XKR4: variants seen among roughly 807,000 people sequenced by gnomAD.
XKR4 encodes the protein XK-related protein 4.
In XKR4, 12 loss-of-function variants were observed where a neutral mutation model predicts 53.9. The ratio of observed to expected loss-of-function variants is 0.22; its 90% CI spans 0.14 to 0.36. XKR4 has a LOEUF of 0.36. Among genes scored for constraint, XKR4 ranks in the 10% least tolerant of loss-of-function variants. The pLI, the probability that XKR4 is intolerant of heterozygous loss-of-function variation, is 1.00. For synonymous variants in XKR4, 354 were observed against 362.4 expected (o/e 0.98, Z 0.26); for missense variants, 799 against 859.5 (o/e 0.93, Z 0.88).
intron 1 of XKR4, among the ~76,000 whole-genome samples, chr8:55,306,264 G>C (rs534259692): frequency 1.1e-4 from 16 of 152,244 alleles, no homozygotes; most frequent in African/African-American, 3.6e-4. Flanking sequence ...ATTGTACTTT[G>C]CTATTTAGCA....
At chr8:55,452,348 C>T (rs1563354153) in intron 2 of XKR4, 1 of 630,420 alleles carries the variant, frequency 1.6e-6, no homozygotes, top group Non-Finnish European at 2.9e-6. Context: ...TCTCCCCCAC[C>T]AGGGGGTCTG....
intron 1 of XKR4, among the ~76,000 whole-genome samples, chr8:55,299,447 T>C (rs1269735342): frequency 2.0e-5 from 3 of 152,166 alleles, no homozygotes; most frequent in Non-Finnish European, 4.4e-5. Context: ...GTTTAGACCG[T>C]GAACTTGATT....
chr8:55,230,287 C>T (rs1478582795), intron 1 of XKR4, among the ~76,000 whole-genome samples: 1 of 151,448 alleles, frequency 6.6e-6, no homozygotes, highest in Non-Finnish European at 1.5e-5. Flanking sequence ...GGAGGGGAAT[C>T]ACTTTTATTT....
chr8:55,455,955 A>G (rs1334757581), intron 2 of XKR4, among the ~76,000 whole-genome samples: 1 of 152,258 alleles, frequency 6.6e-6, no homozygotes, highest in Non-Finnish European at 1.5e-5. Flanking sequence ...GAAAGATTAT[A>G]CAGTTTAAAT....
intron 1 of XKR4, among the ~76,000 whole-genome samples, chr8:55,202,708 A>C (rs1345924136): frequency 1.3e-5 from 2 of 152,246 alleles, no homozygotes; most frequent in African/African-American, 4.8e-5. Context: ...TCATTTGGCT[A>C]AGATTTAAGT....
At position 55,524,343 on chromosome 8, in the gene XKR4, C is replaced by T; in HGVS notation, c.*116C>T. 1 of 991,948 alleles carries T rather than the reference C, an allele frequency of 1.0e-6. No individual in the cohort carries two copies. Among genetic ancestry groups the T allele is most frequent in the Non-Finnish European group, 1.5e-6 (1 of 685,172 alleles). 61.4% of individuals were successfully genotyped at this position (991,948 alleles called of 1,614,324 possible). ...GTGAGCCGTGAAGTTCCTAGTGGGA[C>T]CGTCATCACCATTATCATTTGATCC... On this transcript the variant is annotated 3_prime_UTR_variant, in exon 3 of 3. Transcript: ENST00000327381.
At chr8:55,303,445 G>A (rs1048437550) in intron 1 of XKR4, among the ~76,000 whole-genome samples, 1 of 152,138 alleles carries the variant, frequency 6.6e-6, no homozygotes, top group African/African-American at 2.4e-5. Context: ...CAAGGATATT[G>A]GTCTAAAATT....
intron 1 of XKR4, among the ~76,000 whole-genome samples, chr8:55,152,478 G>GA (rs11413901): frequency 0.36 from 54,744 of 151,910 alleles, 11,173 homozygotes; most frequent in African/African-American, 0.57. Flanking sequence ...CACAGGTTAT[G>GA]AAAATTTTTT....
At chr8:55,361,456 G>A (rs563081753) in intron 2 of XKR4, among the ~76,000 whole-genome samples, 28 of 152,186 alleles carry the variant, frequency 1.8e-4, no homozygotes, top group Non-Finnish European at 3.2e-4. Context: ...GATGTGGTCC[G>A]AGGCCTGTCA....
intron 2 of XKR4, among the ~76,000 whole-genome samples, chr8:55,436,585 A>G (rs935102620): frequency 4.6e-5 from 7 of 152,178 alleles, no homozygotes; most frequent in Non-Finnish European, 1.0e-4. Context: ...TTATAACTCA[A>G]AGAGGACTTT....
chr8:55,165,800 G>C (rs796595779), intron 1 of XKR4, among the ~76,000 whole-genome samples: 1 of 134,852 alleles, frequency 7.4e-6, no homozygotes, highest in East Asian at 2.2e-4. Context: ...GCAAGACTCC[G>C]TCTCAAAAAA....
In XKR4 at chr8:55,459,912, T is replaced by C. The variant is rs114801813; in HGVS notation, c.1007-63369T>C. ...ATAATATTAATGTATGACCCACTAA[T>C]TCCATTCCCAGGTAACTTCTCAAGA... On this transcript the variant is annotated intron_variant, in intron 2 of 2. Transcript: ENST00000327381. Among the ~76,000 whole-genome samples, 900 of 152,112 alleles carry C rather than the reference T, an allele frequency of 5.9e-3. 10 individuals are homozygous for C. Among genetic ancestry groups the C allele is most frequent in the African/African-American group, 0.02 (839 of 41,514 alleles).
chr8:55,487,574 CT>C lies in XKR4; in HGVS notation c.1007-35706del, dbSNP rs1162019601. On this transcript the variant is annotated intron_variant, in intron 2 of 2. Coordinates refer to ENST00000327381, the MANE Select transcript of XKR4 (RefSeq NM_052898.2). ...CTCTGCCTCCCAGGGTCAAGCGATT[CT>C]CATGCCTCAGCTTCCCGAGTAAGTG... 5.3e-5 allele frequency among the ~76,000 whole-genome samples: 8 copies of C among 151,920 alleles called. No homozygotes were observed. In the East Asian group the frequency reaches 1.5e-3, roughly 29 times the overall value.
chr8:55,451,885 T>C, intron 2 of XKR4: 2 of 845,742 alleles, frequency 2.4e-6, no homozygotes, highest in East Asian at 2.6e-5. Flanking sequence ...TGTGCTGGGC[T>C]CCAGCTCTTC....
intron 2 of XKR4, among the ~76,000 whole-genome samples, chr8:55,464,379 A>G (rs775373202): frequency 2.6e-5 from 4 of 152,310 alleles, no homozygotes; most frequent in Non-Finnish European, 2.9e-5. Flanking sequence ...CAAAAACCAC[A>G]TGATTATCTC....
chr8:55,421,672 C>A (rs989099168), intron 2 of XKR4, among the ~76,000 whole-genome samples: 3 of 152,198 alleles, frequency 2.0e-5, no homozygotes, highest in Admixed American at 2.0e-4. Flanking sequence ...TTGGGCTACA[C>A]GCCTGGGTTT....
chr8:55,194,272 G>A (rs1817478523), intron 1 of XKR4, among the ~76,000 whole-genome samples: 3 of 152,204 alleles, frequency 2.0e-5, no homozygotes, highest in Non-Finnish European at 2.9e-5. Context: ...AGACGTTCCT[G>A]AAATATTTTT....
Position 55,529,271 on chromosome 8 carries a change from C to T in XKR4, c.*5044C>T, listed in dbSNP as rs1323307594. 1 of 151,762 alleles carries T rather than the reference C, an allele frequency of 6.6e-6. No homozygotes were observed. Among genetic ancestry groups the T allele is most frequent in the Non-Finnish European group, 1.5e-5 (1 of 67,976 alleles). 9.4% of individuals were successfully genotyped at this position (151,762 alleles called of 1,614,324 possible). ...TATATATTGCAGGCAGTGACCTGGC[C>T]CCCAAATGTAAAGCTTTTGTCAACC... On this transcript the variant is annotated 3_prime_UTR_variant, in exon 3 of 3. Transcript: ENST00000327381.
At chr8:55,159,243 G>C (rs1220645255) in intron 1 of XKR4, among the ~76,000 whole-genome samples, 1 of 152,010 alleles carries the variant, frequency 6.6e-6, no homozygotes, top group Non-Finnish European at 1.5e-5. Flanking sequence ...TTCTTTTATT[G>C]GTAGAAGTAG....
Sources: gnomAD v4.1 joint callset for allele counts (sites outside exome capture counted in the v4.1 genomes callset) on GRCh38, gnomAD v4.1.1 for gene constraint, MANE v1.5 for transcripts, NCBI Gene and HGNC (gene_info 2026-07-23, HGNC 2026-07-21) for gene names.